TMEM11: variants seen among roughly 807,000 people sequenced by gnomAD.
The protein encoded by TMEM11 is transmembrane protein 11, also known as transmembrane protein 11, mitochondrial.
A neutral mutation model predicts 17.0 loss-of-function variants in TMEM11; 1 was observed. The observed-to-expected ratio is 0.06, with a 90% CI of 0.02 to 0.28. The LOEUF (loss-of-function observed/expected upper bound fraction) is 0.28. Ranked by LOEUF, TMEM11 falls within the 10% of genes least tolerant of loss-of-function variation. The pLI is 1.00. For synonymous variants in TMEM11, 122 were observed against 118.1 expected (o/e 1.03, Z -0.21); for missense variants, 172 against 252.9 (o/e 0.68, Z 2.17).
At chr17:21,212,167 T>C (rs1479331399) in intron 1 of TMEM11, among the ~76,000 whole-genome samples, 1 of 152,102 alleles carries the variant, frequency 6.6e-6, no homozygotes, top group Admixed American at 6.6e-5. Flanking sequence ...AACAGACAGG[T>C]AGTCTCCACC....
At chr17:21,210,104 C>T (rs909069572) in intron 1 of TMEM11, among the ~76,000 whole-genome samples, 10 of 152,296 alleles carry the variant, frequency 6.6e-5, no homozygotes, top group African/African-American at 1.9e-4. Flanking sequence ...AGCCACCTCC[C>T]CACCTCCGTG....
Position 21,198,619 on chromosome 17 carries a change from G to T in TMEM11, c.284C>A (p.Thr95Asn). Residue 95 changes from threonine to asparagine, a missense_variant, in exon 2 of 2, where the codon ACC becomes AAC. Transcript: ENST00000317635. This position sits in a 1 kb window ranked among gnomAD's most constrained non-coding sequence, Gnocchi z 6.5. ...ATAATCTAAGGGCAGCGCCAACGGGGTGAAGAGGCAGGCGGTGCCCGCCAG... is the reference window on the plus strand; with the variant it reads ...ATAATCTAAGGGCAGCGCCAACGGGTTGAAGAGGCAGGCGGTGCCCGCCAG... ...AVLAGTACLF[T>N]PLALPLDYSH... 1 of 1,613,950 alleles carries T rather than the reference G, an allele frequency of 6.2e-7. No homozygotes were observed. The highest frequency in any genetic ancestry group is 8.5e-7 in the Non-Finnish European group (1 of 1,179,990).
intron 1 of TMEM11, among the ~76,000 whole-genome samples, chr17:21,210,089 A>G (rs1974986696): frequency 6.6e-6 from 1 of 152,190 alleles, no homozygotes; most frequent in African/African-American, 2.4e-5. Context: ...AAGCCGGGGC[A>G]GAGGAGCCAC....
intron 1 of TMEM11, chr17:21,213,821 C>T: frequency 2.0e-6 from 1 of 490,980 alleles, no homozygotes; most frequent in Non-Finnish European, 3.6e-6. Flanking sequence ...CCTTTCAGCA[C>T]GGCCCGGCCT....
intron 1 of TMEM11, among the ~76,000 whole-genome samples, chr17:21,203,427 G>C (rs905778863): frequency 6.6e-6 from 1 of 152,294 alleles, no homozygotes. Flanking sequence ...TCAGAAATTC[G>C]TGGCCATGAC....
rs1974932436 is a variant in TMEM11 at position 21,205,456 on chromosome 17, C to T, written c.63-6616G>A. Among the ~76,000 whole-genome samples the T allele has an allele frequency of 2.0e-5, 3 of 152,162 alleles. No individual in the cohort carries two copies. The South Asian group carries it at 6.2e-4, about 32-fold the overall frequency. ...CACTTGGGGCACAGGGTCTCCGCTG[C>T]AGGAGGAGGCAGGCCAGGGTAACGC... On this transcript the variant is annotated intron_variant, in intron 1 of 1. Transcript: ENST00000317635.
chr17:21,209,606 A>G (rs1352718803), intron 1 of TMEM11, among the ~76,000 whole-genome samples: 2 of 152,088 alleles, frequency 1.3e-5, no homozygotes, highest in African/African-American at 4.8e-5. Flanking sequence ...CTGCCTCTAC[A>G]AAAAATACAA....
intron 1 of TMEM11, among the ~76,000 whole-genome samples, chr17:21,211,586 C>T (rs770475417): frequency 2.0e-5 from 3 of 152,240 alleles, no homozygotes; most frequent in Non-Finnish European, 4.4e-5. Context: ...ACACGCTACA[C>T]GTGCTAAACT....
At chr17:21,202,866 C>A (rs992666724) in intron 1 of TMEM11, among the ~76,000 whole-genome samples, 2 of 152,220 alleles carry the variant, frequency 1.3e-5, no homozygotes. Context: ...CAGCACACAT[C>A]CTGAGATGGT....
chr17:21,212,704 G>A (rs910651949), intron 1 of TMEM11, among the ~76,000 whole-genome samples: 4 of 152,082 alleles, frequency 2.6e-5, no homozygotes, highest in Non-Finnish European at 4.4e-5. Context: ...ATCCCTATTC[G>A]GCTCTTTTCA....
At chr17:21,204,887 C>T (rs560376662) in intron 1 of TMEM11, among the ~76,000 whole-genome samples, 5 of 152,200 alleles carry the variant, frequency 3.3e-5, no homozygotes, top group East Asian at 1.9e-4. Context: ...GGGGTCAGCC[C>T]GTTCCAGCAC....
intron 1 of TMEM11, chr17:21,213,678 C>G (rs959948564): frequency 5.1e-6 from 1 of 196,166 alleles, no homozygotes; most frequent in African/African-American, 2.4e-5. Context: ...CTCCGGGGGC[C>G]CTGCCTTCCT....
chr17:21,213,749 C>T, intron 1 of TMEM11: 1 of 307,006 alleles, frequency 3.3e-6, no homozygotes, highest in East Asian at 7.1e-5. Context: ...AAGGGTGCTT[C>T]AGCAGCCGAT....
intron 1 of TMEM11, chr17:21,208,508 C>G (rs1277701891): frequency 6.6e-6 from 1 of 152,104 alleles, no homozygotes; most frequent in Non-Finnish European, 1.5e-5. Context: ...CTTCTCATGG[C>G]TGAGGTGTCA....
intron 1 of TMEM11, among the ~76,000 whole-genome samples, chr17:21,206,841 A>G (rs1226636172): frequency 1.3e-5 from 2 of 152,138 alleles, no homozygotes; most frequent in Admixed American, 6.6e-5. Context: ...TTTTAATGGC[A>G]GCTTTACTGA....
chr17:21,201,862 G>A (rs1380722279), intron 1 of TMEM11, among the ~76,000 whole-genome samples: 1 of 152,162 alleles, frequency 6.6e-6, no homozygotes, highest in Non-Finnish European at 1.5e-5. Context: ...GAACTCCTGG[G>A]CTCAAGTGTT....
Position 21,214,139 on chromosome 17 carries a change from C to T in TMEM11, c.14G>A (p.Gly5Glu), listed in dbSNP as rs1353120904. Residue 5 changes from glycine (G) to glutamate (E), a missense_variant, in exon 1 of 2, where the codon GGA becomes GAA. Physicochemically the swap from Gly to Glu is moderately conservative, Grantham distance 98. Around this residue, in one of 2 missense-constraint regions of TMEM11, gnomAD observed 49 missense variants for 39.3 expected, o/e 1.25. Transcript: ENST00000317635. ...GCTGCCCGGGCCAAGACGCCTCCTT[C>T]CCCAAGCGGCCATCTTGGAGACACT... is the stretch of plus-strand genomic sequence containing the variant. MAAW[G>E]RRRLGPGSSG... 2 of 1,612,474 alleles carry T rather than the reference C, an allele frequency of 1.2e-6. No individual in the cohort carries two copies. The highest frequency in any genetic ancestry group is 1.7e-5 in the Admixed American group (1 of 59,992).
intron 1 of TMEM11, chr17:21,211,018 C>A: frequency 7.8e-7 from 1 of 1,289,842 alleles, no homozygotes; most frequent in Non-Finnish European, 1.0e-6. Flanking sequence ...ACAGGCAGGG[C>A]TGTCTGTGAG....
At chr17:21,203,565 G>A (rs1444535619) in intron 1 of TMEM11, among the ~76,000 whole-genome samples, 1 of 152,112 alleles carries the variant, frequency 6.6e-6, no homozygotes, top group African/African-American at 2.4e-5. Context: ...AAATTAGCCA[G>A]GCGCGGTGCT....
Sources: gnomAD v4.1 joint callset for allele counts (sites outside exome capture counted in the v4.1 genomes callset) on GRCh38, gnomAD v4.1.1 for gene constraint, gnomAD v4.1.1 regional missense constraint, Gnocchi (gnomAD v3.1) non-coding constraint, MANE v1.5 for transcripts, NCBI Gene and HGNC (gene_info 2026-07-23, HGNC 2026-07-21) for gene names.